The following FRMD4B variants were observed in gnomAD, a reference collection of about 807,000 sequenced individuals.
FRMD4B encodes FERM domain containing 4B, also known as FERM domain-containing protein 4B.
Under a neutral mutation model 141.5 loss-of-function variants are expected in FRMD4B, and 74 were observed. That is an observed-to-expected ratio of 0.52 (90% confidence interval 0.43 to 0.63). The LOEUF is 0.63. Among genes scored for constraint, FRMD4B ranks in the 30% least tolerant of loss-of-function variants. The pLI is 0.00. For missense variants in FRMD4B, 1,366 were observed against 1,253.4 expected (o/e 1.09, Z -1.36); for synonymous variants, 506 against 467.9 (o/e 1.08, Z -1.05).
chr3:69,193,501 T>C, intron 17 of FRMD4B, 147 bp downstream of exon 17: 1 of 608,732 alleles, frequency 1.6e-6, no homozygotes, highest in East Asian at 2.8e-5. Context: ...AGAGTGAAAC[T>C]CTGTCTCCAA....
At chr3:69,475,962 A>G (rs112390202) in intron 1 of FRMD4B, among the ~76,000 whole-genome samples, 95,190 of 150,732 alleles carry the variant, frequency 0.63, 31,293 homozygotes, top group African/African-American at 0.82. Flanking sequence ...GCCAGTGATG[A>G]TGAGCATTTT....
At chr3:69,478,354 T>G (rs1252034820) in intron 1 of FRMD4B, among the ~76,000 whole-genome samples, 1 of 152,316 alleles carries the variant, frequency 6.6e-6, no homozygotes, top group African/African-American at 2.4e-5. Flanking sequence ...TGCTATGAAT[T>G]TCCCTCTACA....
rs138157638 is a variant in FRMD4B at position 69,275,650 on chromosome 3, C to G, written c.501+12102G>C. ...GTCTCTACATTGCCCGGGGTGGTCT[C>G]GAACTCCTAGGCTCAAGTGATCCAC... is the stretch of plus-strand genomic sequence containing the variant. On this transcript the variant is annotated intron_variant, in intron 5 of 22. Transcript: ENST00000398540. 7.8e-3 allele frequency among the ~76,000 whole-genome samples: 1,179 copies of G among 151,840 alleles called. 21 individuals carry two copies. The highest frequency in any genetic ancestry group is 0.027 in the African/African-American group (1,137 of 41,390).
chr3:69,337,384 A>G (rs1702591142), intron 1 of FRMD4B, among the ~76,000 whole-genome samples: 1 of 152,244 alleles, frequency 6.6e-6, no homozygotes, highest in African/African-American at 2.4e-5. Context: ...ACCATTCAGG[A>G]CATAGGCATG....
intron 11 of FRMD4B, among the ~76,000 whole-genome samples, chr3:69,202,211 A>G (rs2092974913): frequency 6.6e-6 from 1 of 152,198 alleles, no homozygotes; most frequent in African/African-American, 2.4e-5. Context: ...CTCAAAAAAA[A>G]GAAAAGTCAT....
chr3:69,276,586 C>T (rs1165933244), intron 5 of FRMD4B, among the ~76,000 whole-genome samples: 2 of 152,142 alleles, frequency 1.3e-5, no homozygotes, highest in Non-Finnish European at 2.9e-5. Context: ...TGGAAATGGC[C>T]AAATTGCCTT....
chr3:69,285,502 T>C (rs146829026), intron 5 of FRMD4B, among the ~76,000 whole-genome samples: 1,745 of 149,390 alleles, frequency 0.012, 45 homozygotes, highest in Non-Finnish European at 0.013. Flanking sequence ...CACACACACA[T>C]ACACAAACAC....
At chr3:69,274,502 ATTCT>A (rs1274454177) in intron 5 of FRMD4B, among the ~76,000 whole-genome samples, 1 of 151,938 alleles carries the variant, frequency 6.6e-6, no homozygotes, top group Non-Finnish European at 1.5e-5. Context: ...CTATTTGTTG[ATTCT>A]TTATTTTTTT....
chr3:69,193,776 G>A lies in FRMD4B; in HGVS notation c.1586C>T (p.Thr529Ile), dbSNP rs1559702633. 1.9e-6 allele frequency: 3 copies of A among 1,613,522 alleles called. No homozygotes were observed. The highest frequency in any genetic ancestry group is 2.5e-6 in the Non-Finnish European group (3 of 1,179,494). ...KLANEPDLCK[T>I]VKKKRKQDYT... is the part of the protein sequence containing the mutation. ...ATCTTGCTTTCGCTTTTTCTTCACA[G>A]TTTTACAAAGGTCTGGCTCATTGGC... The change falls in exon 17 of 23, where the codon ACT (threonine) becomes ATT (isoleucine). Residue 529 changes from threonine to isoleucine, a missense_variant. Coordinates refer to ENST00000398540, the MANE Select transcript of FRMD4B (RefSeq NM_015123.3).
At chr3:69,331,630 TG>T (rs1489190311) in intron 1 of FRMD4B, among the ~76,000 whole-genome samples, 1 of 152,192 alleles carries the variant, frequency 6.6e-6, no homozygotes, top group Non-Finnish European at 1.5e-5. Context: ...TCACTTCTCT[TG>T]ACCCTTGGTT....
At chr3:69,477,182 T>G (rs974894578) in intron 1 of FRMD4B, among the ~76,000 whole-genome samples, 1 of 152,174 alleles carries the variant, frequency 6.6e-6, no homozygotes, top group Non-Finnish European at 1.5e-5. Context: ...TTTTCCTAAT[T>G]GAATACCCTT....
intron 1 of FRMD4B, among the ~76,000 whole-genome samples, chr3:69,435,357 G>GT (rs1705244104): frequency 6.7e-6 from 1 of 149,298 alleles, no homozygotes; most frequent in Non-Finnish European, 1.5e-5. Context: ...TAGGTTTTAG[G>GT]TTAAAAAAAA....
At chr3:69,188,714 G>A (rs1450699068) in intron 18 of FRMD4B, among the ~76,000 whole-genome samples, 1 of 143,014 alleles carries the variant, frequency 7.0e-6, no homozygotes, top group African/African-American at 2.6e-5. Flanking sequence ...CCGAGATTGC[G>A]CCACTGCAGT....
chr3:69,512,603 C>T (rs533623541), intron 1 of FRMD4B, among the ~76,000 whole-genome samples: 7 of 152,196 alleles, frequency 4.6e-5, no homozygotes, highest in African/African-American at 7.2e-5. Flanking sequence ...TGGCTTCCAA[C>T]GTGGTTGCTC....
intron 5 of FRMD4B, among the ~76,000 whole-genome samples, chr3:69,271,417 G>C (rs148263394): frequency 2.2e-4 from 33 of 152,290 alleles, no homozygotes; most frequent in African/African-American, 7.5e-4. Flanking sequence ...GAGGAACAAT[G>C]ATCTTCTCCT....
intron 1 of FRMD4B, among the ~76,000 whole-genome samples, chr3:69,537,501 T>A (rs754256164): frequency 3.3e-5 from 5 of 152,218 alleles, no homozygotes; most frequent in African/African-American, 4.8e-5. Flanking sequence ...TTCAAATAAA[T>A]GTCTTCCAAG....
At chr3:69,224,163 T>C (rs897797419) in intron 8 of FRMD4B, among the ~76,000 whole-genome samples, 1 of 152,150 alleles carries the variant, frequency 6.6e-6, no homozygotes, top group Non-Finnish European at 1.5e-5. Flanking sequence ...TACAAACAAC[T>C]AAACCAACTC....
chr3:69,231,986 A>T (rs62254463), intron 7 of FRMD4B, among the ~76,000 whole-genome samples: 11,599 of 152,258 alleles, frequency 0.076, 623 homozygotes, highest in Non-Finnish European at 0.11. Context: ...AGGAGCAGCC[A>T]GGTCTGGCTT....
intron 4 of FRMD4B, among the ~76,000 whole-genome samples, chr3:69,290,991 C>T (rs935629380): frequency 3.3e-5 from 5 of 152,212 alleles, no homozygotes; most frequent in African/African-American, 1.2e-4. Flanking sequence ...ACAAGTGTGA[C>T]GTTTTCACCA....
Sources: allele counts gnomAD v4.1 joint callset (sites outside exome capture counted in the v4.1 genomes callset), GRCh38; gene constraint gnomAD v4.1.1; transcripts MANE v1.5; gene names NCBI Gene and HGNC (gene_info 2026-07-23, HGNC 2026-07-21).